The following DNAH11 variants were observed in gnomAD, a reference collection of about 807,000 sequenced individuals.
DNAH11 encodes the protein dynein axonemal heavy chain 11, also known as axonemal beta dynein heavy chain 11.
Under a neutral mutation model 526.0 loss-of-function variants are expected in DNAH11, and 442 were observed. The observed-to-expected ratio is 0.84, with a 90% CI of 0.78 to 0.91. The LOEUF is 0.91. DNAH11 is among the 40% of genes least tolerant of loss of function. The pLI, the probability that DNAH11 is intolerant of heterozygous loss-of-function variation, is 0.00. For synonymous variants in DNAH11, 2,461 were observed against 1,935.9 expected, an observed-to-expected ratio of 1.27 and a Z score of -7.12; for missense variants, 6,989 against 5,448.7, an observed-to-expected ratio of 1.28 and a Z score of -8.90.
chr7:21,693,040 A>T (rs139992556), intron 35 of DNAH11, among the ~76,000 whole-genome samples: 3 of 152,132 alleles, frequency 2.0e-5, no homozygotes, highest in Admixed American at 1.3e-4. Context: ...TTTTTCTCTC[A>T]ATTTGTGGCT....
chr7:21,818,486 C>CAGTTTCAATGGCATTCAAA, intron 65 of DNAH11, 147 bp downstream of exon 65: 1 of 736,582 alleles, frequency 1.4e-6, no homozygotes. Flanking sequence ...AAGACCAAAG[C>CAGTTTCAATGGCATTCAAA]AACTGCAACA....
rs952454282 is a variant in DNAH11, at chr7:21,632,130, A to G, written c.4501-3741A>G. Among the ~76,000 whole-genome samples, 15 of 152,108 alleles carry G rather than the reference A, an allele frequency of 9.9e-5. 1 individual carries two copies. The highest frequency in any genetic ancestry group is 2.6e-4 in the Admixed American group (4 of 15,278). Reference sequence around the variant, plus strand: ...CCTCTGAAGCCACGTCCCGAGCTCTATGTTGGCCCCTTTCAGCCATGGCTG... The same window carrying G: ...CCTCTGAAGCCACGTCCCGAGCTCTGTGTTGGCCCCTTTCAGCCATGGCTG... On this transcript the variant is annotated intron_variant, in intron 25 of 81. Transcript: ENST00000409508.
At chr7:21,870,821 C>T (rs948397653) in intron 73 of DNAH11, among the ~76,000 whole-genome samples, 2 of 152,012 alleles carry the variant, frequency 1.3e-5, no homozygotes, top group South Asian at 2.1e-4. Context: ...TGCCAGTAAC[C>T]AAGAATTTAA....
Position 21,784,555 on chromosome 7 carries a change from T to C in DNAH11, c.9597+15T>C, listed in dbSNP as rs1371875191. ...CACTCAACAGGGTAAAGATAATTTA[T>C]TGGTCCCTGAGTTTCCTCAAAGTAA... On this transcript the variant is annotated intron_variant, in intron 58 of 81. Transcript: ENST00000409508. The C allele has an allele frequency of 3.2e-6, 5 of 1,564,566 alleles. No homozygotes were observed. In the South Asian group the frequency reaches 3.6e-5, roughly 11 times the overall value.
At chr7:21,793,582 C>T (rs1788568599) in intron 61 of DNAH11, among the ~76,000 whole-genome samples, 1 of 150,556 alleles carries the variant, frequency 6.6e-6, no homozygotes, top group Admixed American at 6.6e-5. Flanking sequence ...TGCCATTGCA[C>T]TCCAGCCTGG....
chr7:21,716,589 G>A (rs1407146507), intron 42 of DNAH11, among the ~76,000 whole-genome samples: 1 of 152,140 alleles, frequency 6.6e-6, no homozygotes, highest in Non-Finnish European at 1.5e-5. Flanking sequence ...TTCTTGATAA[G>A]ATCTAGATAC....
At chr7:21,659,464 A>G (rs1448736166) in intron 30 of DNAH11, among the ~76,000 whole-genome samples, 1 of 151,962 alleles carries the variant, frequency 6.6e-6, no homozygotes, top group Non-Finnish European at 1.5e-5. Flanking sequence ...TTGAAAAATA[A>G]TCTATTTTGA....
chr7:21,652,328 T>C (rs1315753209), intron 28 of DNAH11, among the ~76,000 whole-genome samples: 2 of 152,154 alleles, frequency 1.3e-5, no homozygotes, highest in Non-Finnish European at 2.9e-5. Flanking sequence ...AGAATTACAA[T>C]AAATTTCATG....
intron 65 of DNAH11, among the ~76,000 whole-genome samples, chr7:21,828,652 T>G (rs1372634269): frequency 1.3e-5 from 2 of 152,146 alleles, no homozygotes; most frequent in Non-Finnish European, 2.9e-5. Flanking sequence ...ATTGTCTTTG[T>G]TTTTGATGCT....
At chr7:21,740,711 C>T (rs75474983) in intron 48 of DNAH11, among the ~76,000 whole-genome samples, 7,064 of 152,266 alleles carry the variant, frequency 0.046, 240 homozygotes, top group East Asian at 0.19. Context: ...CTTCAAGACC[C>T]TGCTTTTAAT....
intron 63 of DNAH11, 90 bp from the exon 64 acceptor site, chr7:21,816,377 A>C: frequency 9.8e-7 from 1 of 1,015,646 alleles, no homozygotes; most frequent in Non-Finnish European, 1.5e-6. Context: ...ACCTAGGGTT[A>C]CTTTCTCATG....
intron 48 of DNAH11, among the ~76,000 whole-genome samples, chr7:21,740,471 T>C (rs1202060783): frequency 6.6e-6 from 1 of 152,220 alleles, no homozygotes; most frequent in Non-Finnish European, 1.5e-5. Context: ...CGTGGAATTA[T>C]CCAGTATTTG....
At chr7:21,700,807 C>T (rs1472544405) in intron 36 of DNAH11, among the ~76,000 whole-genome samples, 1 of 152,110 alleles carries the variant, frequency 6.6e-6, no homozygotes, top group East Asian at 1.9e-4. Flanking sequence ...ATGTCCTTTG[C>T]AGAGACATGG....
At chr7:21,761,644 T>G (rs1002581855) in intron 54 of DNAH11, among the ~76,000 whole-genome samples, 2 of 152,116 alleles carry the variant, frequency 1.3e-5, no homozygotes, top group Admixed American at 1.3e-4. Context: ...TCCAAGGATT[T>G]GCATTTCCAA....
rs1479342373 is a variant in DNAH11, at chr7:21,854,191, C to T, written c.11062-124C>T. The T allele has an allele frequency of 3.2e-5, 29 of 917,704 alleles. No homozygotes were observed. The Admixed American group carries it at 9.5e-4, about 30-fold the overall frequency. The allele number at this position is 917,704 out of a possible 1,614,324, so 56.8% of individuals were successfully genotyped here. A position where few individuals can be genotyped will look rare whatever the true frequency, so the allele number is the denominator to read the frequency against. On this transcript the variant is annotated intron_variant, in intron 67 of 81. Transcript: ENST00000409508. Reference sequence around the variant, plus strand: ...TTAGAAAAGCTCGAGCACATGGATGCCATGCATGTTATCTATTTTAATACT... The same window carrying T: ...TTAGAAAAGCTCGAGCACATGGATGTCATGCATGTTATCTATTTTAATACT...
In DNAH11 at chr7:21,863,423, G is replaced by A. The variant is rs1213174752; in HGVS notation, c.11374-1112G>A. Among the ~76,000 whole-genome samples, 3 of 152,316 alleles carry A rather than the reference G, an allele frequency of 2.0e-5. No individual in the cohort carries two copies. In the East Asian group the frequency reaches 5.8e-4, roughly 29 times the overall value. On this transcript the variant is annotated intron_variant, in intron 69 of 81. Coordinates refer to ENST00000409508, the MANE Select transcript of DNAH11 (RefSeq NM_001277115.2). Reference sequence around the variant, plus strand: ...GCTTACTACACCATTTGCCTCCCAGGTTCAAGCGATTCTTCTGCCTCAGCC... The same window carrying A: ...GCTTACTACACCATTTGCCTCCCAGATTCAAGCGATTCTTCTGCCTCAGCC...
rs2128443044 is a variant in DNAH11 at position 21,589,376 on chromosome 7, T to C, written c.2142T>C (p.Gly714=). The change falls in exon 12 of 82, where the codon GGT becomes GGC. Residue 714 remains glycine (G), a synonymous_variant. Coordinates refer to ENST00000409508, the MANE Select transcript of DNAH11 (RefSeq NM_001277115.2). ...TGGTTAAATTCAGTGCCATAAATGG[T>C]CTTCTCTGTGTCAATTTTGACCCAA... ...QPLVKFSAIN[G]LLCVNFDPKL... The C allele has an allele frequency of 1.2e-6, 2 of 1,607,430 alleles. No individual in the cohort carries two copies. Among genetic ancestry groups the C allele is most frequent in the South Asian group, 2.2e-5 (2 of 89,596 alleles).
intron 65 of DNAH11, among the ~76,000 whole-genome samples, chr7:21,828,866 G>C (rs772597730): frequency 6.7e-6 from 1 of 150,170 alleles, no homozygotes; most frequent in East Asian, 2.0e-4. Flanking sequence ...TTTTATCTTA[G>C]AAGGGCGTGT....
At chr7:21,731,634 C>G (rs760321198) in intron 45 of DNAH11, among the ~76,000 whole-genome samples, 2 of 152,188 alleles carry the variant, frequency 1.3e-5, no homozygotes, top group South Asian at 4.1e-4. Flanking sequence ...CCTCACTTAT[C>G]CATGGCTTTG....
Sources: gnomAD v4.1 joint callset for allele counts (sites outside exome capture counted in the v4.1 genomes callset) on GRCh38, gnomAD v4.1.1 for gene constraint, MANE v1.5 for transcripts, NCBI Gene and HGNC (gene_info 2026-07-23, HGNC 2026-07-21) for gene names.